The following VRK2 variants were observed in gnomAD, a reference collection of about 807,000 sequenced individuals.
The protein encoded by VRK2 is serine/threonine-protein kinase VRK2.
Under a neutral mutation model 57.6 loss-of-function variants are expected in VRK2, and 60 were observed. That is an observed-to-expected ratio of 1.04 (90% CI 0.85 to 1.29). VRK2 has a LOEUF of 1.29. VRK2 is among the 50% of genes most tolerant of loss of function. VRK2 has a pLI of 0.00. For missense variants in VRK2, 705 were observed against 588.1 expected, an observed-to-expected ratio of 1.20 and a Z score of -2.06; for synonymous variants, 231 against 199.2, an observed-to-expected ratio of 1.16 and a Z score of -1.35.
chr2:57,922,112 T>C (rs1405558466), intron 1 of VRK2, among the ~76,000 whole-genome samples: 1 of 152,024 alleles, frequency 6.6e-6, no homozygotes, highest in African/African-American at 2.4e-5. Context: ...AGGCTACTTG[T>C]GTTTGAGGGG....
chr2:58,136,026 C>G (rs1209977837), intron 10 of VRK2, among the ~76,000 whole-genome samples: 1 of 152,188 alleles, frequency 6.6e-6, no homozygotes, highest in Non-Finnish European at 1.5e-5. Flanking sequence ...GATATGTACA[C>G]TGACCTCTCT....
chr2:58,086,546 A>G, intron 5 of VRK2, 120 bp downstream of exon 5: 1 of 799,142 alleles, frequency 1.3e-6, no homozygotes. Flanking sequence ...ACAAACTTGT[A>G]TTGTCTTAGT....
At chr2:57,950,228 G>A in intron 1 of VRK2, among the ~76,000 whole-genome samples, 1 of 152,172 alleles carries the variant, frequency 6.6e-6, no homozygotes, top group Non-Finnish European at 1.5e-5. Context: ...GCCTTCTATT[G>A]AAAAACGATG....
chr2:58,158,109 A>G (rs767463118), intron 12 of VRK2, among the ~76,000 whole-genome samples: 23 of 152,328 alleles, frequency 1.5e-4, no homozygotes, highest in Non-Finnish European at 2.8e-4. Flanking sequence ...CTTGACTTCT[A>G]TCCTTACCTA....
chr2:57,936,090 C>A (rs182709240), intron 1 of VRK2, among the ~76,000 whole-genome samples: 36 of 152,216 alleles, frequency 2.4e-4, no homozygotes, highest in Admixed American at 2.0e-3. Flanking sequence ...ATTAATGTTG[C>A]CAATCAGTAC....
Position 58,137,224 on chromosome 2 carries a change from C to CTCATATATGATACATATATATCTCAT in VRK2, c.856+2025_856+2026insTCATATATGATACATATATATCTCAT, listed in dbSNP as rs1553422542. 1.4e-3 allele frequency among the ~76,000 whole-genome samples: 93 copies of CTCATATATGATACATATATATCTCAT among 65,098 alleles called. 1 individual carries two copies. The highest frequency in any genetic ancestry group is 4.7e-3 in the East Asian group (12 of 2,528). 42.7% of individuals were successfully genotyped at this position (65,098 alleles called of 152,430 possible). On this transcript the variant is annotated intron_variant, in intron 10 of 12. Transcript: ENST00000340157. ...TATCTCATATATGATACATATATAT[C>CTCATATATGATACATATATATCTCAT]ATATGATACATATATATCATATATA...
intron 8 of VRK2, among the ~76,000 whole-genome samples, chr2:58,130,885 T>C (rs947702507): frequency 6.6e-6 from 1 of 152,148 alleles, no homozygotes; most frequent in Non-Finnish European, 1.5e-5. Flanking sequence ...AATAATTATT[T>C]CAGTGGTTTG....
intron 12 of VRK2, among the ~76,000 whole-genome samples, chr2:58,148,562 G>T (rs1252981505): frequency 6.6e-6 from 1 of 151,536 alleles, no homozygotes; most frequent in Non-Finnish European, 1.5e-5. Context: ...TCGTTTGTTT[G>T]TTTTTCTGTA....
intron 1 of VRK2, among the ~76,000 whole-genome samples, chr2:58,021,118 T>G (rs1253058425): frequency 5.9e-5 from 9 of 152,232 alleles, no homozygotes; most frequent in African/African-American, 2.2e-4. Flanking sequence ...ACAGCTCTAT[T>G]GTGATATGAA....
At chr2:57,908,282 C>T (rs1260546864) in intron 1 of VRK2, among the ~76,000 whole-genome samples, 3 of 152,134 alleles carry the variant, frequency 2.0e-5, no homozygotes, top group African/African-American at 7.2e-5. Flanking sequence ...TTGCCTCTTA[C>T]AATTTGCACA....
chr2:58,058,250 C>G, intron 2 of VRK2: 1 of 430,876 alleles, frequency 2.3e-6, no homozygotes, highest in East Asian at 7.3e-5. Context: ...TTAAAAGTGT[C>G]ATTCTATTTA....
chr2:57,917,938 A>G (rs1018637231), intron 1 of VRK2, among the ~76,000 whole-genome samples: 7 of 152,104 alleles, frequency 4.6e-5, no homozygotes, highest in African/African-American at 1.7e-4. Flanking sequence ...TTCATTATCT[A>G]GAAGGTAAAA....
intron 1 of VRK2, among the ~76,000 whole-genome samples, chr2:57,977,182 C>T (rs558847188): frequency 1.3e-5 from 2 of 151,926 alleles, no homozygotes; most frequent in Non-Finnish European, 2.9e-5. Flanking sequence ...TTTAGGATTG[C>T]TTTGGCTATT....
chr2:58,048,923 T>C lies in VRK2; in HGVS notation c.92T>C (p.Leu31Pro), dbSNP rs768497359. 6.2e-7 allele frequency: 1 copy of C among 1,613,898 alleles called. No homozygotes were observed. The highest frequency in any genetic ancestry group is 1.3e-5 in the African/African-American group (1 of 74,926). The change falls in exon 2 of 13, where the codon CTG (leucine) becomes CCG (proline). Residue 31 changes from leucine (L) to proline (P), a missense_variant. Physicochemically the swap from Leu to Pro is moderately conservative, Grantham distance 98 (BLOSUM62 -3). Transcript: ENST00000340157. ...GATATGGAAGGCAATCAGTGGGTAC[T>C]GGGCAAGAAGATTGGCTCTGGAGGA... ...LDDMEGNQWV[L>P]GKKIGSGGFG...
rs142501999 is a variant in VRK2 at position 58,041,309 on chromosome 2, A to G, written c.-5-7518A>G. On this transcript the variant is annotated intron_variant, in intron 3 of 15. Coordinates refer to the VRK2 transcript ENST00000417641. The stretch of plus-strand genomic sequence containing the variant: ...TTTTTATTGAGCCTTTTGACTATAA[A>G]TGAAAAATAAAATTCTAAGCCCCCG... Among the ~76,000 whole-genome samples the G allele has an allele frequency of 8.5e-5, 13 of 152,304 alleles. No homozygotes were observed. The East Asian group carries it at 2.1e-3, about 25-fold the overall frequency.
intron 7 of VRK2, among the ~76,000 whole-genome samples, chr2:58,103,993 C>A (rs890095227): frequency 6.6e-6 from 1 of 151,610 alleles, no homozygotes; most frequent in Non-Finnish European, 1.5e-5. Context: ...ATTATACATG[C>A]AGAAAAAAAG....
chr2:57,970,999 A>G (rs1274798533), intron 1 of VRK2, among the ~76,000 whole-genome samples: 2 of 151,938 alleles, frequency 1.3e-5, no homozygotes, highest in African/African-American at 4.8e-5. Context: ...GCATCTCTGT[A>G]GTATTATTTA....
rs755850596 is a variant in VRK2 at position 58,086,382 on chromosome 2, T to C, written c.300T>C (p.Ile100=). The change falls in exon 5 of 13, where the codon ATT becomes ATC. Residue 100 remains isoleucine (I), a synonymous_variant. Transcript: ENST00000340157. ...IERKQLDYLG[I]PLFYGSGLTE... Reference sequence around the variant, plus strand: ...GCAAACAACTTGATTATTTAGGAATTCCTCTGTTTTATGGATCTGGTCTGA... The same window carrying C: ...GCAAACAACTTGATTATTTAGGAATCCCTCTGTTTTATGGATCTGGTCTGA... The C allele has an allele frequency of 1.9e-6, 3 of 1,604,966 alleles. No individual in the cohort carries two copies. The highest frequency in any genetic ancestry group is 2.5e-6 in the Non-Finnish European group (3 of 1,177,370).
intron 2 of VRK2, among the ~76,000 whole-genome samples, chr2:58,055,749 ATTGTAT>A (rs1203933218): frequency 6.6e-6 from 1 of 152,210 alleles, no homozygotes; most frequent in Non-Finnish European, 1.5e-5. Context: ...GCTTCACAAA[ATTGTAT>A]AAAGGAGATG....
Sources: allele counts gnomAD v4.1 joint callset (sites outside exome capture counted in the v4.1 genomes callset), GRCh38; gene constraint gnomAD v4.1.1; transcripts MANE v1.5; gene names NCBI Gene and HGNC (gene_info 2026-07-23, HGNC 2026-07-21).